The following CDH9 variants were observed in gnomAD, a reference collection of about 807,000 sequenced individuals.
The protein encoded by CDH9 is cadherin 9, also known as cadherin-9.
CDH9 carries 28 observed loss-of-function variants against 70.9 expected under a neutral mutation model. That is an observed-to-expected ratio of 0.40 (90% confidence interval 0.29 to 0.54). CDH9 has a LOEUF of 0.54. Ranked by LOEUF, CDH9 falls within the 20% of genes least tolerant of loss-of-function variation. The probability of loss-of-function intolerance (pLI) is 0.59; values close to 1 mark genes in which losing one functional copy is unlikely to be tolerated. For missense variants in CDH9, 874 were observed against 984.4 expected, an observed-to-expected ratio of 0.89 and a Z score of 1.50; for synonymous variants, 409 against 343.1, an observed-to-expected ratio of 1.19 and a Z score of -2.12.
rs183862812 is a variant in CDH9 at position 26,981,848 on chromosome 5, G to C, written c.228+6258C>G. ...ATTTAGACAACTTACCCTTGTCTTA[G>C]TGAAATCATTATAAATATCTTAGGT... On this transcript the variant is annotated intron_variant, in intron 2 of 11. Transcript: ENST00000231021. Among the ~76,000 whole-genome samples the C allele has an allele frequency of 9.1e-4, 137 of 151,348 alleles. 2 individuals are homozygous for C. The highest frequency in any genetic ancestry group is 7.6e-3 in the Admixed American group (115 of 15,168).
At chr5:26,897,536 G>A (rs1740774931) in intron 7 of CDH9, among the ~76,000 whole-genome samples, 2 of 151,864 alleles carry the variant, frequency 1.3e-5, no homozygotes, top group South Asian at 4.1e-4. Flanking sequence ...AATAAAGTAA[G>A]CCATCATATA....
intron 2 of CDH9, among the ~76,000 whole-genome samples, chr5:26,974,101 G>A (rs866220565): frequency 6.6e-5 from 10 of 151,920 alleles, no homozygotes; most frequent in East Asian, 1.9e-4. Context: ...AAAATTAGCC[G>A]GGCATGATAG....
chr5:26,956,315 C>T (rs1042335322), intron 2 of CDH9, among the ~76,000 whole-genome samples: 34 of 152,126 alleles, frequency 2.2e-4, no homozygotes, highest in Admixed American at 2.1e-3. Context: ...TCCTAAGCCA[C>T]GTGGAACTTT....
rs191801150 is a variant in CDH9, at chr5:26,911,875, C to A, written c.523+3755G>T. Among the ~76,000 whole-genome samples, 36 of 151,838 alleles carry A rather than the reference C, an allele frequency of 2.4e-4. No individual in the cohort carries two copies. The East Asian group carries it at 5.4e-3, about 23-fold the overall frequency. On this transcript the variant is annotated intron_variant, in intron 3 of 11. Transcript: ENST00000231021. ...GGGTTGGGCATTTGGCACTAAAAAT[C>A]CAATGTGAAATATGGCATATGATTG...
At chr5:26,899,894 CA>C (rs1374969016) in intron 7 of CDH9, among the ~76,000 whole-genome samples, 1 of 149,290 alleles carries the variant, frequency 6.7e-6, no homozygotes, top group African/African-American at 2.5e-5. Flanking sequence ...AAAAAATAAG[CA>C]AAAAATATAT....
intron 7 of CDH9, among the ~76,000 whole-genome samples, chr5:26,892,375 T>G (rs755832297): frequency 6.6e-6 from 1 of 152,146 alleles, no homozygotes; most frequent in Non-Finnish European, 1.5e-5. Flanking sequence ...GAGCTGAGAT[T>G]GTGCATTTTT....
chr5:27,001,874 T>C (rs867298271), intron 1 of CDH9, among the ~76,000 whole-genome samples: 112 of 144,976 alleles, frequency 7.7e-4, no homozygotes, highest in African/African-American at 2.7e-3. Flanking sequence ...TCTCTCTCTC[T>C]CTCAACAAAA....
chr5:27,003,507 A>T (rs1436601242), intron 1 of CDH9, among the ~76,000 whole-genome samples: 1 of 152,122 alleles, frequency 6.6e-6, no homozygotes, highest in Non-Finnish European at 1.5e-5. Flanking sequence ...CACAATATTA[A>T]AACAAGGGTA....
chr5:26,956,827 G>T (rs2112055015), intron 2 of CDH9, among the ~76,000 whole-genome samples: 1 of 152,184 alleles, frequency 6.6e-6, no homozygotes, highest in South Asian at 2.1e-4. Context: ...TCACAGATTA[G>T]ACTGACACTC....
rs199803277 is a variant in CDH9, at chr5:26,896,476, AT to A, written c.1254-5913del. On this transcript the variant is annotated intron_variant, in intron 7 of 11. Coordinates refer to ENST00000231021, the MANE Select transcript of CDH9 (RefSeq NM_016279.4). ...GATAGTATATCATTTATACAATAGT[AT>A]GAAATGAAATGAATTTCATTTCATT... Among the ~76,000 whole-genome samples the A allele has an allele frequency of 7.8e-4, 119 of 151,842 alleles. 5 individuals are homozygous for A. In the East Asian group the frequency reaches 0.023, roughly 29 times the overall value.
chr5:26,947,926 T>C (rs1178121891), intron 2 of CDH9, among the ~76,000 whole-genome samples: 2 of 152,194 alleles, frequency 1.3e-5, no homozygotes, highest in East Asian at 1.9e-4. Flanking sequence ...CCTTGCTCTT[T>C]GGCAATTAGA....
At chr5:26,975,749 C>T (rs1470522500) in intron 2 of CDH9, among the ~76,000 whole-genome samples, 1 of 152,174 alleles carries the variant, frequency 6.6e-6, no homozygotes, top group Non-Finnish European at 1.5e-5. Flanking sequence ...AGAGGAAGAA[C>T]TGCAAAATTT....
chr5:26,881,343 T>G lies in CDH9; in HGVS notation c.2163A>C (p.Lys721Asn). The G allele has an allele frequency of 3.1e-6, 5 of 1,613,536 alleles. No individual in the cohort carries two copies. Among genetic ancestry groups the G allele is most frequent in the Non-Finnish European group, 2.5e-6 (3 of 1,179,614 alleles). Residue 721 changes from lysine to asparagine, a missense_variant, in exon 12 of 12, where the codon AAA becomes AAC. Physicochemically the swap from Lys to Asn is moderately conservative, Grantham distance 94. Transcript: ENST00000231021. ...DVQDFIHRRLKENDADPSAPP... is the reference protein window; with the variant it reads ...DVQDFIHRRLNENDADPSAPP... ...GTGCACTTGGGTCTGCGTCGTTTTC[T>G]TTTAATCTTCGATGGATAAAATCTT...
chr5:27,037,830 C>G (rs1743420287), intron 1 of CDH9, among the ~76,000 whole-genome samples: 1 of 151,944 alleles, frequency 6.6e-6, no homozygotes, highest in Non-Finnish European at 1.5e-5. Flanking sequence ...TGTATACATT[C>G]AGAGTGTCGA....
chr5:26,961,054 C>T (rs1484112342), intron 2 of CDH9, among the ~76,000 whole-genome samples: 2 of 151,936 alleles, frequency 1.3e-5, no homozygotes, highest in Non-Finnish European at 2.9e-5. Context: ...TCCTCCTTCT[C>T]TTAAAGTTGA....
chr5:26,938,999 AT>A (rs763808805), intron 2 of CDH9, among the ~76,000 whole-genome samples: 6 of 152,074 alleles, frequency 3.9e-5, no homozygotes, highest in Non-Finnish European at 5.9e-5. Context: ...AATTTAAAAT[AT>A]TGTGTGAAAT....
At chr5:26,984,544 T>A (rs1447469933) in intron 2 of CDH9, among the ~76,000 whole-genome samples, 1 of 152,168 alleles carries the variant, frequency 6.6e-6, no homozygotes, top group Non-Finnish European at 1.5e-5. Context: ...TGATTATTGA[T>A]CCATGATAAG....
At chr5:27,034,570 A>C (rs977592122) in intron 1 of CDH9, among the ~76,000 whole-genome samples, 3 of 151,260 alleles carry the variant, frequency 2.0e-5, no homozygotes, top group Non-Finnish European at 4.4e-5. Flanking sequence ...TAAATAATAC[A>C]TCTCTCTCTT....
chr5:26,974,026 C>T (rs1742264089), intron 2 of CDH9, among the ~76,000 whole-genome samples: 1 of 152,134 alleles, frequency 6.6e-6, no homozygotes, highest in South Asian at 2.1e-4. Flanking sequence ...AGGCAGATCA[C>T]CTGAGATCAG....
Sources: allele counts gnomAD v4.1 joint callset (sites outside exome capture counted in the v4.1 genomes callset), GRCh38; gene constraint gnomAD v4.1.1; transcripts MANE v1.5; gene names NCBI Gene and HGNC (gene_info 2026-07-23, HGNC 2026-07-21).